CYP2B6: variants seen among roughly 807,000 people sequenced by gnomAD.
CYP2B6 encodes cytochrome P450 2B6.
A neutral mutation model predicts 43.4 loss-of-function variants in CYP2B6; 35 were observed. That is an observed-to-expected ratio of 0.81 (90% CI 0.62 to 1.07). The LOEUF (loss-of-function observed/expected upper bound fraction) is 1.07, where lower values mean the gene tolerates loss of function less well. Among genes scored for constraint, CYP2B6 ranks in the 50% least tolerant of loss-of-function variants. CYP2B6 has a pLI of 0.00. For missense variants in CYP2B6, 624 were observed against 632.8 expected, an observed-to-expected ratio of 0.99 and a Z score of 0.15; for synonymous variants, 239 against 239.2, an observed-to-expected ratio of 1.00 and a Z score of 0.01.
At chr19:40,992,146 G>A (rs1311936917) in intron 1 of CYP2B6, among the ~76,000 whole-genome samples, 3 of 144,918 alleles carry the variant, frequency 2.1e-5, no homozygotes, top group African/African-American at 8.1e-5. Context: ...AGGTTGCAGT[G>A]AGCCAAAATC....
intron 8 of CYP2B6, among the ~76,000 whole-genome samples, chr19:41,015,579 C>T (rs1425394133): frequency 6.6e-6 from 1 of 152,164 alleles, no homozygotes; most frequent in Admixed American, 6.5e-5. Context: ...ATTTTTCTCC[C>T]AATCTGTGGT....
intron 4 of CYP2B6, among the ~76,000 whole-genome samples, chr19:41,008,128 C>T (rs1222443533): frequency 1.3e-5 from 2 of 151,800 alleles, no homozygotes; most frequent in Admixed American, 6.6e-5. Context: ...TAAAATGTCT[C>T]CTTATTTATT....
chr19:41,015,157 G>C (rs1379649015), intron 8 of CYP2B6, among the ~76,000 whole-genome samples: 1 of 152,152 alleles, frequency 6.6e-6, no homozygotes, highest in Admixed American at 6.5e-5. Context: ...GCTGCCAGGG[G>C]CAGAAAGAAA....
chr19:41,005,814 C>T (rs369230974), intron 3 of CYP2B6, among the ~76,000 whole-genome samples: 5 of 151,550 alleles, frequency 3.3e-5, no homozygotes, highest in South Asian at 2.1e-4. Context: ...AAATAAAGAA[C>T]GGCAGGGGGG....
chr19:40,992,387 GCT>G (rs988534023), intron 1 of CYP2B6, among the ~76,000 whole-genome samples: 1 of 152,012 alleles, frequency 6.6e-6, no homozygotes, highest in African/African-American at 2.4e-5. Flanking sequence ...GGACTTGTCT[GCT>G]CTCAGTATGG....
rs3211372 is a variant in CYP2B6 at position 41,016,878 on chromosome 19, G to A, written c.*51G>A. On this transcript the variant is annotated 3_prime_UTR_variant, in exon 9 of 9. Coordinates refer to ENST00000324071, the MANE Select transcript of CYP2B6 (RefSeq NM_000767.5). ...GATTCCAGGGTCATTCAGTGTCCCC[G>A]CCTCTGTAGACAATGGCTCTGACTC... 243 of 1,581,472 alleles carry A rather than the reference G, an allele frequency of 1.5e-4. No individual in the cohort carries two copies. Among genetic ancestry groups the A allele is most frequent in the East Asian group, 4.4e-4 (19 of 43,370 alleles).
chr19:41,010,199 T>A lies in CYP2B6; in HGVS notation c.964+64T>A, dbSNP rs1969259258. The A allele has an allele frequency of 1.9e-6, 3 of 1,589,818 alleles. No individual in the cohort carries two copies. In the East Asian group the frequency reaches 6.7e-5, roughly 36 times the overall value. On this transcript the variant is annotated intron_variant, in intron 6 of 8. Coordinates refer to ENST00000324071, the MANE Select transcript of CYP2B6 (RefSeq NM_000767.5). ...TCCTTCTGAGCTGCAGAAATGGGGC[T>A]ATGGGTACCACCTGGATGAGAGAGG...
Position 40,991,392 on chromosome 19 carries a change from C to A in CYP2B6, c.87C>A (p.Arg29=). The change falls in exon 1 of 9, where the codon CGC becomes CGA. Residue 29 remains arginine, a synonymous_variant. Coordinates refer to ENST00000324071, the MANE Select transcript of CYP2B6 (RefSeq NM_000767.5). The part of the protein sequence containing the change: ...LVQRHPNTHD[R]LPPGPRPLPL... ...AGCGCCACCCTAACACCCATGACCGCCTCCCACCAGGGCCCCGCCCTCTGC... is the reference window on the plus strand; with the variant it reads ...AGCGCCACCCTAACACCCATGACCGACTCCCACCAGGGCCCCGCCCTCTGC... 1 of 1,614,090 alleles carries A rather than the reference C, an allele frequency of 6.2e-7. No individual in the cohort carries two copies. The highest frequency in any genetic ancestry group is 8.5e-7 in the Non-Finnish European group (1 of 1,180,026).
At chr19:40,999,620 G>T (rs1369179213) in intron 1 of CYP2B6, among the ~76,000 whole-genome samples, 1 of 152,094 alleles carries the variant, frequency 6.6e-6, no homozygotes, top group Non-Finnish European at 1.5e-5. Flanking sequence ...TTTTCAAAAG[G>T]ATCTTTGTGG....
At chr19:41,015,805 C>T (rs943808798) in intron 8 of CYP2B6, among the ~76,000 whole-genome samples, 2 of 148,522 alleles carry the variant, frequency 1.3e-5, no homozygotes, top group African/African-American at 4.9e-5. Context: ...CACACATACC[C>T]CAGAAACAAA....
chr19:41,002,611 T>G (rs557340481), intron 1 of CYP2B6, among the ~76,000 whole-genome samples: 93 of 152,196 alleles, frequency 6.1e-4, no homozygotes, highest in African/African-American at 2.2e-3. Flanking sequence ...GCAGTGGCAC[T>G]ATCTCGCCTC....
At chr19:41,009,648 G>T in intron 5 of CYP2B6, 1 of 611,752 alleles carries the variant, frequency 1.6e-6, no homozygotes. Context: ...AAAGACAGAG[G>T]GAGAGAGAGA....
chr19:41,016,398 TCAAAAAAAAAA>T (rs1969363172), intron 8 of CYP2B6, among the ~76,000 whole-genome samples: 56 of 28,418 alleles, frequency 2.0e-3, no homozygotes, highest in African/African-American at 7.5e-3. Context: ...AGACTCCATC[TCAAAAAAAAAA>T]AAAAAAAAAA....
rs534571728 is a variant in CYP2B6 at position 41,009,170 on chromosome 19, C to T, written c.646-49C>T. 3.9e-5 allele frequency: 59 copies of T among 1,531,696 alleles called. 2 individuals carry two copies. The South Asian group carries it at 5.4e-4, about 14-fold the overall frequency. 94.9% of individuals were successfully genotyped at this position (1,531,696 alleles called of 1,614,324 possible). A position where few individuals can be genotyped will look rare whatever the true frequency, so the allele number is the denominator to read the frequency against. Reference sequence around the variant, plus strand: ...CCCAGGAGGCGCTCTCTCCCTGTGACCTGCTAGCTCAGCCCTAGGCAAACC... The same window carrying T: ...CCCAGGAGGCGCTCTCTCCCTGTGATCTGCTAGCTCAGCCCTAGGCAAACC... On this transcript the variant is annotated intron_variant, in intron 4 of 8. Coordinates refer to ENST00000324071, the MANE Select transcript of CYP2B6 (RefSeq NM_000767.5).
chr19:40,998,131 T>C (rs1417690010), intron 1 of CYP2B6, among the ~76,000 whole-genome samples: 1 of 151,804 alleles, frequency 6.6e-6, no homozygotes, highest in Non-Finnish European at 1.5e-5. Flanking sequence ...ATGTGAGGAG[T>C]GATAACATTT....
At chr19:41,006,336 T>TG (rs919165457) in intron 3 of CYP2B6, among the ~76,000 whole-genome samples, 1 of 149,946 alleles carries the variant, frequency 6.7e-6, no homozygotes, top group African/African-American at 2.5e-5. Context: ...TTTTTTTTTT[T>TG]TTTTTTTTGT....
intron 6 of CYP2B6, among the ~76,000 whole-genome samples, chr19:41,010,740 CCAAA>C (rs1354524491): frequency 2.0e-5 from 3 of 152,000 alleles, no homozygotes; most frequent in Non-Finnish European, 4.4e-5. Flanking sequence ...TATTTATCAC[CCAAA>C]CAGTGTACAT....
intron 1 of CYP2B6, among the ~76,000 whole-genome samples, chr19:40,998,627 T>C (rs1314081018): frequency 3.5e-5 from 5 of 141,746 alleles, no homozygotes; most frequent in African/African-American, 1.1e-4. Context: ...CCTGTGTCCA[T>C]GTGATCTCAT....
In CYP2B6 at chr19:41,004,384, G is replaced by C; in HGVS notation, c.422G>C (p.Ser141Thr). 6.2e-7 allele frequency: 1 copy of C among 1,614,070 alleles called. No homozygotes were observed. Among genetic ancestry groups the C allele is most frequent in the Non-Finnish European group, 8.5e-7 (1 of 1,180,030 alleles). ...AGGGACTTCGGGATGGGAAAGCGGA[G>C]TGTGGAGGAGCGGATTCAGGAGGAG... Reference protein sequence around the residue: ...TMRDFGMGKRSVEERIQEEAQ... With the variant: ...TMRDFGMGKRTVEERIQEEAQ... Residue 141 changes from serine (S) to threonine (T), a missense_variant, in exon 3 of 9, where the codon AGT becomes ACT. Transcript: ENST00000324071.
Sources: gnomAD v4.1 joint callset for allele counts (sites outside exome capture counted in the v4.1 genomes callset) on GRCh38, gnomAD v4.1.1 for gene constraint, MANE v1.5 for transcripts, NCBI Gene and HGNC (gene_info 2026-07-23, HGNC 2026-07-21) for gene names.